The following VANGL1 variants were observed in gnomAD, a reference collection of about 807,000 sequenced individuals.
The protein encoded by VANGL1 is vang-like protein 1.
VANGL1 carries 18 observed loss-of-function variants against 48.4 expected under a neutral mutation model. That is an observed-to-expected ratio of 0.37 (90% CI 0.26 to 0.55). The LOEUF is 0.55. VANGL1 is among the 20% of genes least tolerant of loss of function. The pLI is 0.81. For missense variants in VANGL1, 667 were observed against 675.8 expected (o/e 0.99, Z 0.14); for synonymous variants, 257 against 261.8 (o/e 0.98, Z 0.18).
At chr1:115,656,315 A>G (rs1652354579) in intron 2 of VANGL1, among the ~76,000 whole-genome samples, 1 of 152,216 alleles carries the variant, frequency 6.6e-6, no homozygotes, top group Non-Finnish European at 1.5e-5. Flanking sequence ...TATACAGGGC[A>G]TTTCACAAAG....
intron 1 of VANGL1, among the ~76,000 whole-genome samples, chr1:115,643,828 C>T (rs762233806): frequency 1.3e-5 from 2 of 152,176 alleles, no homozygotes; most frequent in African/African-American, 2.4e-5. Flanking sequence ...GGCATCCTCC[C>T]CTTCATCATC....
intron 3 of VANGL1, 63 bp downstream of exon 3, chr1:115,659,836 T>A (rs1456274274): frequency 1.2e-6 from 2 of 1,608,338 alleles, no homozygotes; most frequent in East Asian, 4.5e-5. Flanking sequence ...TCTGTAAATG[T>A]TTTCCTTAGG....
intron 2 of VANGL1, among the ~76,000 whole-genome samples, chr1:115,655,773 C>T (rs1295141812): frequency 6.6e-6 from 1 of 152,186 alleles, no homozygotes; most frequent in African/African-American, 2.4e-5. Flanking sequence ...CTCTCCCAGA[C>T]AGCACTTGGC....
chr1:115,656,906 T>G (rs1652373168), intron 2 of VANGL1, among the ~76,000 whole-genome samples: 1 of 152,162 alleles, frequency 6.6e-6, no homozygotes, highest in African/African-American at 2.4e-5. Flanking sequence ...AATAGATAGA[T>G]GGGTTAGGTG....
rs982573807 is a variant in VANGL1 at position 115,693,824 on chromosome 1, C to A, written c.*2445C>A. ...AACACAATGCATTTTTATTTCAATTCTTGGAACTGGTAGGCTATTCTTTTT... is the reference window on the plus strand; with the variant it reads ...AACACAATGCATTTTTATTTCAATTATTGGAACTGGTAGGCTATTCTTTTT... On this transcript the variant is annotated 3_prime_UTR_variant, in exon 8 of 8. Transcript: ENST00000355485. The A allele has an allele frequency of 3.3e-5, 5 of 152,180 alleles. No homozygotes were observed. Among genetic ancestry groups the A allele is most frequent in the Admixed American group, 2.6e-4 (4 of 15,272 alleles). 9.4% of individuals were successfully genotyped at this position (152,180 alleles called of 1,614,324 possible). A position where few individuals can be genotyped will look rare whatever the true frequency, so the allele number is the denominator to read the frequency against.
intron 7 of VANGL1, among the ~76,000 whole-genome samples, chr1:115,690,706 T>C (rs1024812854): frequency 1.9e-4 from 29 of 152,228 alleles, no homozygotes; most frequent in Admixed American, 1.3e-3. Context: ...GACTGCTCCT[T>C]TGGGCCCGAC....
At chr1:115,678,115 G>A (rs1205251332) in intron 4 of VANGL1, among the ~76,000 whole-genome samples, 4 of 152,330 alleles carry the variant, frequency 2.6e-5, no homozygotes, top group African/African-American at 9.6e-5. Context: ...GTGTGTCAGG[G>A]ATTTGCATGG....
At position 115,696,299 on chromosome 1, in the gene VANGL1, G is replaced by A. The variant is rs1654025603; in HGVS notation, c.*4920G>A. ...GGGGCTGTCCACAGCCCCATCCTGT[G>A]GGGATCTCAAGCCGGAGTCCCTGGC... On this transcript the variant is annotated 3_prime_UTR_variant, in exon 8 of 8. Coordinates refer to ENST00000355485, the MANE Select transcript of VANGL1 (RefSeq NM_138959.3). 1 of 152,258 alleles carries A rather than the reference G, an allele frequency of 6.6e-6. No individual in the cohort carries two copies. The highest frequency in any genetic ancestry group is 2.4e-5 in the African/African-American group (1 of 41,446). The allele number at this position is 152,258 out of a possible 1,614,324, so 9.4% of individuals were successfully genotyped here.
intron 1 of VANGL1, among the ~76,000 whole-genome samples, chr1:115,644,626 G>A (rs1651849963): frequency 6.6e-6 from 1 of 152,126 alleles, no homozygotes; most frequent in Non-Finnish European, 1.5e-5. Flanking sequence ...CCCAGTTACA[G>A]GACAACAGTG....
Position 115,685,347 on chromosome 1 carries a change from G to A in VANGL1, c.1134G>A (p.Glu378=), listed in dbSNP as rs1390834358. 1 of 1,614,088 alleles carries A rather than the reference G, an allele frequency of 6.2e-7. No individual in the cohort carries two copies. Among genetic ancestry groups the A allele is most frequent in the Non-Finnish European group, 8.5e-7 (1 of 1,180,040 alleles). ...AFIHIQRLQA[E]EQQKAPGEVM... is the part of the protein sequence containing the mutation. The stretch of plus-strand genomic sequence containing the variant: ...TCCACATTCAGCGTCTCCAGGCTGA[G>A]GAGCAGCAGAAAGCCCCAGGGGAGG... The change falls in exon 7 of 8, where the codon GAG becomes GAA. Residue 378 remains glutamate (E), a synonymous_variant. Coordinates refer to ENST00000355485, the MANE Select transcript of VANGL1 (RefSeq NM_138959.3).
At position 115,668,240 on chromosome 1, in the gene VANGL1, A is replaced by G. The variant is rs1469829198; in HGVS notation, c.812+3972A>G. Reference sequence around the variant, plus strand: ...AGTTGCATGTTCACGTCACTGCTTTAGGAACACATGAACAAACCCAGAAGC... The same window carrying G: ...AGTTGCATGTTCACGTCACTGCTTTGGGAACACATGAACAAACCCAGAAGC... On this transcript the variant is annotated intron_variant, in intron 4 of 7. Transcript: ENST00000355485. 2.0e-5 allele frequency among the ~76,000 whole-genome samples: 3 copies of G among 152,210 alleles called. No homozygotes were observed. In the East Asian group the frequency reaches 5.8e-4, roughly 29 times the overall value.
chr1:115,646,546 G>A (rs1312503883), intron 1 of VANGL1, among the ~76,000 whole-genome samples: 1 of 101,358 alleles, frequency 9.9e-6, no homozygotes, highest in Admixed American at 9.1e-5. Flanking sequence ...TCTAATATCT[G>A]CATCTTTTTT....
At chr1:115,663,474 T>G (rs1652645675) in intron 3 of VANGL1, among the ~76,000 whole-genome samples, 187 bp from the exon 4 acceptor site, 1 of 152,216 alleles carries the variant, frequency 6.6e-6, no homozygotes. Flanking sequence ...ACCTCATACA[T>G]TTTGAAAATT....
At position 115,647,761 on chromosome 1, in the gene VANGL1, A is replaced by T. The variant is rs117003497; in HGVS notation, c.-137-3516A>T. ...GGTGTTGAAGGTGGCACAGGGTTAG[A>T]TCCTTAGGATGAGGGTATTGCTTTA... On this transcript the variant is annotated intron_variant, in intron 1 of 7. Transcript: ENST00000355485. 2.6e-5 allele frequency among the ~76,000 whole-genome samples: 4 copies of T among 152,280 alleles called. No individual in the cohort carries two copies. In the East Asian group the frequency reaches 7.7e-4, roughly 29 times the overall value.
intron 4 of VANGL1, among the ~76,000 whole-genome samples, chr1:115,681,475 T>C (rs530674497): frequency 8.6e-5 from 13 of 150,592 alleles, no homozygotes; most frequent in African/African-American, 3.2e-4. Context: ...GATCAAGTGG[T>C]CTCAGCGGAG....
Position 115,685,300 on chromosome 1 carries a change from G to T in VANGL1, c.1087G>T (p.Val363Phe). The stretch of plus-strand genomic sequence containing the variant: ...TGTTGCATCACCTTCTAGGCTGGTG[G>T]TTGCAGTGGAAGAGGCCTTCATCCA... ...RVKKRKARLV[V>F]AVEEAFIHIQ... is the part of the protein sequence containing the mutation. Residue 363 changes from valine to phenylalanine, a missense_variant, in exon 7 of 8, where the codon GTT becomes TTT. Val to Phe is a conservative substitution (Grantham distance 50, BLOSUM62 -1). Transcript: ENST00000355485. 3.7e-6 allele frequency: 6 copies of T among 1,614,124 alleles called. No homozygotes were observed. Among genetic ancestry groups the T allele is most frequent in the African/African-American group, 1.3e-5 (1 of 75,034 alleles).
intron 1 of VANGL1, chr1:115,642,562 G>A (rs1318400063): frequency 1.3e-5 from 2 of 152,288 alleles, no homozygotes; most frequent in African/African-American, 2.4e-5. Flanking sequence ...CACCCCTGGC[G>A]GGGCTCGACC....
At chr1:115,682,342 A>G (rs1316361440) in intron 4 of VANGL1, 22 bp from the exon 5 acceptor site, 1 of 1,613,692 alleles carries the variant, frequency 6.2e-7, no homozygotes, top group Admixed American at 1.7e-5. Flanking sequence ...GCTTTGCATT[A>G]ATTTTGTTCT....
chr1:115,685,320 C>G lies in VANGL1; in HGVS notation c.1107C>G (p.Phe369Leu), dbSNP rs1653556467. ...TGGTGGTTGCAGTGGAAGAGGCCTTCATCCACATTCAGCGTCTCCAGGCTG... is the reference window on the plus strand; with the variant it reads ...TGGTGGTTGCAGTGGAAGAGGCCTTGATCCACATTCAGCGTCTCCAGGCTG... ...ARLVVAVEEA[F>L]IHIQRLQAEE... is the part of the protein sequence containing the mutation. Residue 369 changes from phenylalanine (F) to leucine (L), a missense_variant, in exon 7 of 8, where the codon TTC (phenylalanine) becomes TTG (leucine). Transcript: ENST00000355485. The G allele has an allele frequency of 6.2e-7, 1 of 1,614,168 alleles. No homozygotes were observed. The highest frequency in any genetic ancestry group is 2.2e-5 in the East Asian group (1 of 44,882).
Sources: allele counts gnomAD v4.1 joint callset (sites outside exome capture counted in the v4.1 genomes callset), GRCh38; gene constraint gnomAD v4.1.1; transcripts MANE v1.5; gene names NCBI Gene and HGNC (gene_info 2026-07-23, HGNC 2026-07-21).